TRERF1: variants seen among roughly 807,000 people sequenced by gnomAD.
TRERF1 encodes transcriptional regulating factor 1.
Under a neutral mutation model 122.9 loss-of-function variants are expected in TRERF1, and 27 were observed. The ratio of observed to expected loss-of-function variants is 0.22; its 90% CI spans 0.16 to 0.30. TRERF1 has a LOEUF of 0.30. Ranked by LOEUF, TRERF1 falls within the 10% of genes least tolerant of loss-of-function variation. TRERF1 has a pLI of 1.00. For missense variants in TRERF1, 1,248 were observed against 1,560.3 expected (o/e 0.80, Z 3.37); for synonymous variants, 636 against 641.7 (o/e 0.99, Z 0.13).
At chr6:42,319,759 G>A (rs1468573691) in intron 3 of TRERF1, among the ~76,000 whole-genome samples, 1 of 149,654 alleles carries the variant, frequency 6.7e-6, no homozygotes, top group Admixed American at 6.7e-5. Context: ...GGAGGTCAAG[G>A]CCATGATTGT....
chr6:42,387,163 T>C lies in TRERF1; in HGVS notation c.-453-24084A>G, dbSNP rs527448667. The stretch of plus-strand genomic sequence containing the variant: ...TTATACACAGGATCTAAGAATTAAG[T>C]CTAATTTAACAAAGGTGGGCCACTG... On this transcript the variant is annotated intron_variant, in intron 2 of 17. Transcript: ENST00000372922. 2.1e-4 allele frequency among the ~76,000 whole-genome samples: 32 copies of C among 152,354 alleles called. 1 individual carries two copies. Among genetic ancestry groups the C allele is most frequent in the African/African-American group, 7.2e-4 (30 of 41,578 alleles).
Position 42,269,430 on chromosome 6 carries a change from G to T in TRERF1, c.161C>A (p.Ser54Tyr), listed in dbSNP as rs1779840101. ...CCGTGTATCTTGAGGGAAGTGGGGGGAGATTGGCGAGGCCTGAGGGGCATC... is the reference window on the plus strand; with the variant it reads ...CCGTGTATCTTGAGGGAAGTGGGGGTAGATTGGCGAGGCCTGAGGGGCATC... Residue 54 changes from serine to tyrosine, a missense_variant, in exon 5 of 18, where the codon TCC becomes TAC. This residue lies in a region of TRERF1 where 946 missense variants were observed against 1,073.0 expected (regional missense o/e 0.88). Coordinates refer to ENST00000372922, the Ensembl canonical transcript of TRERF1. The surrounding 1 kb of genome is among the most constrained non-coding windows in gnomAD (Gnocchi z 4.9). 1 of 1,614,206 alleles carries T rather than the reference G, an allele frequency of 6.2e-7. No individual in the cohort carries two copies. The highest frequency in any genetic ancestry group is 8.5e-7 in the Non-Finnish European group (1 of 1,180,040).
intron 2 of TRERF1, among the ~76,000 whole-genome samples, chr6:42,426,175 G>A (rs1010894218): frequency 5.3e-5 from 8 of 152,114 alleles, no homozygotes; most frequent in African/African-American, 1.7e-4. Flanking sequence ...ACTCTGAAAG[G>A]CTTTTACTGC....
At chr6:42,266,260 C>T (rs1436943412) in intron 5 of TRERF1, among the ~76,000 whole-genome samples, 1 of 148,534 alleles carries the variant, frequency 6.7e-6, no homozygotes, top group Non-Finnish European at 1.5e-5. Flanking sequence ...ATGATCATGG[C>T]TCACTGCAGC....
chr6:42,412,103 C>T (rs144686202), intron 2 of TRERF1, among the ~76,000 whole-genome samples: 3,538 of 146,216 alleles, frequency 0.024, 144 homozygotes, highest in African/African-American at 0.085. Flanking sequence ...CGGGTTCAAA[C>T]GATTCTCCTG....
At chr6:42,283,767 C>T (rs192306822) in intron 4 of TRERF1, among the ~76,000 whole-genome samples, 13 of 152,026 alleles carry the variant, frequency 8.6e-5, no homozygotes, top group African/African-American at 2.9e-4. Context: ...CAGGCATGCG[C>T]CACCGTGCCT....
intron 2 of TRERF1, among the ~76,000 whole-genome samples, chr6:42,407,917 G>A (rs759855941): frequency 2.6e-5 from 4 of 150,964 alleles, no homozygotes; most frequent in African/African-American, 9.8e-5. Context: ...TGTCTATCTC[G>A]TATCAAGTGT....
intron 16 of TRERF1, 65 bp downstream of exon 16, chr6:42,236,140 A>T: frequency 2.0e-6 from 3 of 1,504,444 alleles, no homozygotes; most frequent in Non-Finnish European, 2.7e-6. Flanking sequence ...ATCATCTCTT[A>T]AAGCCAGGCA....
chr6:42,438,245 T>C (rs1337291326), intron 2 of TRERF1, among the ~76,000 whole-genome samples: 1 of 151,796 alleles, frequency 6.6e-6, no homozygotes, highest in Admixed American at 6.6e-5. Context: ...TTTTAAAATG[T>C]ATCCTGTCCC....
intron 2 of TRERF1, among the ~76,000 whole-genome samples, chr6:42,407,180 C>A (rs938306313): frequency 1.3e-5 from 2 of 152,210 alleles, no homozygotes; most frequent in African/African-American, 4.8e-5. Context: ...AAAGTTTCAA[C>A]TGCATGGTAA....
intron 3 of TRERF1, among the ~76,000 whole-genome samples, chr6:42,313,326 A>T (rs549731900): frequency 3.5e-4 from 54 of 152,134 alleles, no homozygotes; most frequent in Non-Finnish European, 6.8e-4. Flanking sequence ...CGATACAAAG[A>T]ACAAAAAAGC....
chr6:42,255,016 G>T, intron 12 of TRERF1, 90 bp from the exon 13 acceptor site: 1 of 1,350,214 alleles, frequency 7.4e-7, no homozygotes, highest in African/African-American at 1.4e-5. Context: ...AAAGCGGTTA[G>T]CACTGTGGAG....
intron 2 of TRERF1, among the ~76,000 whole-genome samples, chr6:42,429,607 T>C (rs898189172): frequency 6.6e-6 from 1 of 152,074 alleles, no homozygotes; most frequent in Non-Finnish European, 1.5e-5. Context: ...AAAGAGATTA[T>C]CCAGATCCTG....
chr6:42,407,966 A>G (rs752972867), intron 2 of TRERF1, among the ~76,000 whole-genome samples: 5 of 151,500 alleles, frequency 3.3e-5, no homozygotes, highest in Non-Finnish European at 7.4e-5. Context: ...GCATTTGCCT[A>G]ACTATTCCCT....
At chr6:42,241,700 G>A (rs1173113410) in intron 15 of TRERF1, among the ~76,000 whole-genome samples, 1 of 152,122 alleles carries the variant, frequency 6.6e-6, no homozygotes, top group Non-Finnish European at 1.5e-5. Context: ...GACCTTAGAT[G>A]ATCTGCCCAC....
At chr6:42,451,461 T>A (rs1582325679) in intron 1 of TRERF1, among the ~76,000 whole-genome samples, 200 bp from the exon 2 acceptor site, 2 of 142,946 alleles carry the variant, frequency 1.4e-5, no homozygotes, top group Non-Finnish European at 3.0e-5. Flanking sequence ...GGTAGGAAGC[T>A]TTGGGTTTCC....
chr6:42,374,919 G>A (rs1350041329), intron 2 of TRERF1, among the ~76,000 whole-genome samples: 1 of 149,142 alleles, frequency 6.7e-6, no homozygotes, highest in Non-Finnish European at 1.5e-5. Flanking sequence ...GCTGAAGCAT[G>A]AGAATTGCTT....
intron 4 of TRERF1, among the ~76,000 whole-genome samples, chr6:42,277,915 GA>G (rs1279305996): frequency 3.1e-5 from 3 of 96,692 alleles, no homozygotes; most frequent in African/African-American, 1.3e-4. Flanking sequence ...GGAAGAAGAA[GA>G]AGAAGAAGAA....
intron 2 of TRERF1, among the ~76,000 whole-genome samples, chr6:42,391,137 T>C (rs754484167): frequency 2.6e-5 from 4 of 152,156 alleles, no homozygotes; most frequent in Non-Finnish European, 5.9e-5. Flanking sequence ...AGACCAGGTA[T>C]TGGATCCCAG....
Sources: gnomAD v4.1 joint callset for allele counts (sites outside exome capture counted in the v4.1 genomes callset) on GRCh38, gnomAD v4.1.1 for gene constraint, gnomAD v4.1.1 regional missense constraint, Gnocchi (gnomAD v3.1) non-coding constraint, MANE v1.5 for transcripts, NCBI Gene and HGNC (gene_info 2026-07-23, HGNC 2026-07-21) for gene names.